FBXL20: variants seen among roughly 807,000 people sequenced by gnomAD.
FBXL20 encodes the protein F-box/LRR-repeat protein 20.
Under a neutral mutation model 64.0 loss-of-function variants are expected in FBXL20, and 11 were observed. The ratio of observed to expected loss-of-function variants is 0.17; its 90% confidence interval spans 0.11 to 0.28. FBXL20 has a LOEUF of 0.28. Among genes scored for constraint, FBXL20 ranks in the 10% least tolerant of loss-of-function variants. The pLI is 1.00. For synonymous variants in FBXL20, 184 were observed against 189.0 expected, an observed-to-expected ratio of 0.97 and a Z score of 0.22; for missense variants, 303 against 526.2, an observed-to-expected ratio of 0.58 and a Z score of 4.15.
intron 10 of FBXL20, among the ~76,000 whole-genome samples, chr17:39,271,466 C>A (rs1278595451): frequency 6.6e-6 from 1 of 151,788 alleles, no homozygotes; most frequent in Non-Finnish European, 1.5e-5. Context: ...GGCGTGGTGG[C>A]GGGTGCCTGT....
At chr17:39,364,743 G>C (rs541442963) in intron 1 of FBXL20, among the ~76,000 whole-genome samples, 3 of 152,336 alleles carry the variant, frequency 2.0e-5, no homozygotes, top group African/African-American at 7.2e-5. Context: ...CTAAACTCCT[G>C]AATGATGAGA....
intron 2 of FBXL20, among the ~76,000 whole-genome samples, chr17:39,307,826 C>T (rs1048608132): frequency 4.6e-5 from 7 of 151,866 alleles, no homozygotes; most frequent in Non-Finnish European, 8.8e-5. Flanking sequence ...CAAAAACTAG[C>T]TGGGTGTGGT....
chr17:39,380,842 G>A (rs2048015146), intron 1 of FBXL20, among the ~76,000 whole-genome samples: 1 of 152,120 alleles, frequency 6.6e-6, no homozygotes, highest in African/African-American at 2.4e-5. Flanking sequence ...AAACTCACCT[G>A]TACTACCATT....
chr17:39,362,595 T>A (rs2047808561), intron 1 of FBXL20, among the ~76,000 whole-genome samples: 1 of 151,826 alleles, frequency 6.6e-6, no homozygotes, highest in African/African-American at 2.4e-5. Context: ...AGTGCTGGGA[T>A]TACAGGCGTG....
At chr17:39,401,820 G>C (rs959924341), upstream of FBXL20, 2 of 660,942 alleles carry the variant, frequency 3.0e-6, no homozygotes, top group African/African-American at 1.9e-5. Context: ...GGGAGCAGCC[G>C]GTGCGCGGCG....
chr17:39,401,455 A>G lies in FBXL20; in HGVS notation c.-53T>C. On this transcript the variant is annotated 5_prime_UTR_variant, in exon 1 of 15. Coordinates refer to ENST00000264658, the MANE Select transcript of FBXL20 (RefSeq NM_032875.3). ...GCGCTGCGGCGAGCGGAGTGCACAG[A>G]CCGGGGGCCCAGGACAGGCCCGGGA... is the stretch of plus-strand genomic sequence containing the variant. 1 of 1,552,748 alleles carries G rather than the reference A, an allele frequency of 6.4e-7. No individual in the cohort carries two copies. Among genetic ancestry groups the G allele is most frequent in the Non-Finnish European group, 8.7e-7 (1 of 1,150,234 alleles).
intron 9 of FBXL20, among the ~76,000 whole-genome samples, chr17:39,279,561 G>A (rs1428220773): frequency 3.3e-5 from 5 of 151,700 alleles, no homozygotes; most frequent in Admixed American, 6.6e-5. Flanking sequence ...TCACTCCAAG[G>A]CAAATACATT....
chr17:39,317,689 GTTTTTTTTTTTGTTTTTTTTTTTT>G (rs2047308402), intron 2 of FBXL20, among the ~76,000 whole-genome samples: 3 of 47,136 alleles, frequency 6.4e-5, no homozygotes, highest in African/African-American at 3.6e-4. Context: ...TTTTTTTTTT[GTTTTTTTTTTTGTTTTTTTTTTTT>G]TTTTTTGAGA....
chr17:39,346,918 C>T (rs1389107849), intron 1 of FBXL20, among the ~76,000 whole-genome samples: 1 of 150,858 alleles, frequency 6.6e-6, no homozygotes, highest in African/African-American at 2.4e-5. Flanking sequence ...GTTCAATTCC[C>T]ATCTATGAGT....
intron 1 of FBXL20, among the ~76,000 whole-genome samples, chr17:39,387,196 T>G (rs7208487): frequency 0.21 from 32,598 of 151,988 alleles, 4,020 homozygotes; most frequent in African/African-American, 0.33. Flanking sequence ...TTTACCCAAC[T>G]GCAGACTAAC....
intron 2 of FBXL20, among the ~76,000 whole-genome samples, chr17:39,315,829 CAG>C (rs141728220): frequency 0.081 from 10,540 of 129,402 alleles, 479 homozygotes; most frequent in Middle Eastern, 0.12. Context: ...GAGAGAGAGA[CAG>C]AGAGAGAGAG....
At chr17:39,308,032 T>A (rs1283144702) in intron 2 of FBXL20, among the ~76,000 whole-genome samples, 1 of 151,406 alleles carries the variant, frequency 6.6e-6, no homozygotes, top group African/African-American at 2.4e-5. Context: ...TCAACTGTAT[T>A]CTAAGTCTAG....
At chr17:39,273,763 T>C (rs928134409) in intron 10 of FBXL20, among the ~76,000 whole-genome samples, 1 of 147,626 alleles carries the variant, frequency 6.8e-6, no homozygotes, top group Non-Finnish European at 1.5e-5. Flanking sequence ...GAGGTTGCAG[T>C]GAGCCGAGAT....
chr17:39,351,891 T>A (rs960787822), intron 1 of FBXL20, among the ~76,000 whole-genome samples: 1 of 152,226 alleles, frequency 6.6e-6, no homozygotes, highest in African/African-American at 2.4e-5. Context: ...CAACTTGGTT[T>A]ATATACAATA....
In FBXL20 at chr17:39,264,353, C is replaced by T; in HGVS notation, c.1025G>A (p.Gly342Glu). 6.2e-7 allele frequency: 1 copy of T among 1,613,768 alleles called. No homozygotes were observed. The highest frequency in any genetic ancestry group is 8.5e-7 in the Non-Finnish European group (1 of 1,180,040). Residue 342 changes from glycine (G) to glutamate (E), a missense_variant, in exon 14 of 15, where the codon GGA (glycine) becomes GAA (glutamate). By Grantham distance (98) the Gly-to-Glu change is moderately conservative. Transcript: ENST00000264658. ...LSHCELITDD[G>E]IRHLGNGACA... Reference sequence around the variant, plus strand: ...GGCCCCATTCCCCAGGTGACGAATTCCATCATCTGTGATCAGCTCACAGTG... The same window carrying T: ...GGCCCCATTCCCCAGGTGACGAATTTCATCATCTGTGATCAGCTCACAGTG...
At chr17:39,344,020 T>C (rs914528924) in intron 1 of FBXL20, among the ~76,000 whole-genome samples, 1 of 152,094 alleles carries the variant, frequency 6.6e-6, no homozygotes, top group African/African-American at 2.4e-5. Context: ...CCTGCCACGG[T>C]GCCCAGCTAA....
intron 1 of FBXL20, among the ~76,000 whole-genome samples, chr17:39,359,980 C>CATTAA (rs1314154031): frequency 6.6e-6 from 1 of 151,926 alleles, no homozygotes; most frequent in Non-Finnish European, 1.5e-5. Context: ...TCAGATAAAA[C>CATTAA]ATTAAAGTAT....
intron 2 of FBXL20, among the ~76,000 whole-genome samples, chr17:39,322,699 T>C (rs1164746929): frequency 6.6e-6 from 1 of 152,146 alleles, no homozygotes; most frequent in African/African-American, 2.4e-5. Context: ...AACACATATC[T>C]ATAATGAGTA....
chr17:39,386,208 G>A (rs2048078333), intron 1 of FBXL20, among the ~76,000 whole-genome samples: 1 of 151,940 alleles, frequency 6.6e-6, no homozygotes, highest in Non-Finnish European at 1.5e-5. Flanking sequence ...TCCAGAGGCT[G>A]AGGCAGGAGA....
Sources: allele counts gnomAD v4.1 joint callset (sites outside exome capture counted in the v4.1 genomes callset), GRCh38; gene constraint gnomAD v4.1.1; transcripts MANE v1.5; gene names NCBI Gene and HGNC (gene_info 2026-07-23, HGNC 2026-07-21).